The following ABCA3 variants were observed in gnomAD, a reference collection of about 807,000 sequenced individuals.
ABCA3 encodes ATP binding cassette subfamily A member 3, also known as phospholipid-transporting ATPase ABCA3.
A neutral mutation model predicts 172.8 loss-of-function variants in ABCA3; 88 were observed. The observed-to-expected ratio is 0.51, with a 90% CI of 0.43 to 0.61. ABCA3 has a LOEUF of 0.61. ABCA3 is among the 20% of genes least tolerant of loss of function. The pLI, the probability that ABCA3 is intolerant of heterozygous loss-of-function variation, is 0.00. For synonymous variants in ABCA3, 1,066 were observed against 983.8 expected (o/e 1.08, Z -1.56); for missense variants, 2,164 against 2,301.0 (o/e 0.94, Z 1.22).
In ABCA3 at chr16:2,277,874, C is replaced by CA. The variant is rs769370104; in HGVS notation, c.4909+4dup. The CA allele has an allele frequency of 1.2e-5, 19 of 1,608,454 alleles. 1 individual carries two copies. The highest frequency in any genetic ancestry group is 4.0e-5 in the African/African-American group (3 of 74,842). ...CCAGTGGGGGCTGCCGGGGCCGGCA[C>CA]ACACCTGGAAAGGTCAGGTCCACGA... On this transcript the variant is annotated splice_donor_region_variant and intron_variant, in intron 31 of 32. Transcript: ENST00000301732. This position sits in a 1 kb window ranked among gnomAD's most constrained non-coding sequence, Gnocchi z 5.3.
chr16:2,292,586 GAA>G (rs2093673718), intron 18 of ABCA3, among the ~76,000 whole-genome samples: 1 of 151,668 alleles, frequency 6.6e-6, no homozygotes, highest in African/African-American at 2.4e-5. Flanking sequence ...GTGGCAGAGT[GAA>G]ACTCTGTCTC....
intron 12 of ABCA3, among the ~76,000 whole-genome samples, chr16:2,303,744 C>T (rs781304125): frequency 6.6e-6 from 1 of 152,160 alleles, no homozygotes; most frequent in Non-Finnish European, 1.5e-5. Context: ...GTCTCAGGCT[C>T]TGAAGCGGAA....
intron 10 of ABCA3, among the ~76,000 whole-genome samples, chr16:2,316,961 C>G (rs1453178217): frequency 6.6e-6 from 1 of 152,202 alleles, no homozygotes; most frequent in Non-Finnish European, 1.5e-5. Flanking sequence ...AAAATCCAGA[C>G]AGGAAAAATG....
chr16:2,331,236 CAG>C (rs1294997794), intron 1 of ABCA3, among the ~76,000 whole-genome samples: 1 of 151,846 alleles, frequency 6.6e-6, no homozygotes, highest in African/African-American at 2.4e-5. Context: ...TTTTCTGAGA[CAG>C]AGTCTCGCTC....
At position 2,277,798 on chromosome 16, in the gene ABCA3, G is replaced by T; in HGVS notation, c.4909+81C>A. 6.3e-7 allele frequency: 1 copy of T among 1,594,546 alleles called. No individual in the cohort carries two copies. Among genetic ancestry groups the T allele is most frequent in the Non-Finnish European group, 8.5e-7 (1 of 1,170,384 alleles). On this transcript the variant is annotated intron_variant, in intron 31 of 32. Transcript: ENST00000301732. The surrounding 1 kb of genome is among the most constrained non-coding windows in gnomAD (Gnocchi z 5.3). ...ATGGGACTTGGCGGGGCGAGGCACA[G>T]ACGCTCCGCACAGCAGATGGGAGAG...
Position 2,317,327 on chromosome 16 carries a change from G to T in ABCA3, c.1067C>A (p.Ser356Tyr). Reference sequence around the variant, plus strand: ...GACCATGAAGCTGAAGGAGATGGTAGAGATGGCGAAGCACAGCAGGAAGGC... The same window carrying T: ...GACCATGAAGCTGAAGGAGATGGTATAGATGGCGAAGCACAGCAGGAAGGC... ...VLAFLLCFAI[S>Y]TISFSFMVST... is the part of the protein sequence containing the mutation. Residue 356 changes from serine to tyrosine, a missense_variant, in exon 10 of 33, where the codon TCT becomes TAT. Transcript: ENST00000301732. 6.2e-7 allele frequency: 1 copy of T among 1,614,098 alleles called. No homozygotes were observed. Among genetic ancestry groups the T allele is most frequent in the Non-Finnish European group, 8.5e-7 (1 of 1,180,038 alleles).
chr16:2,325,481 G>A (rs1329028800), intron 5 of ABCA3, among the ~76,000 whole-genome samples: 2 of 152,228 alleles, frequency 1.3e-5, no homozygotes, highest in Non-Finnish European at 2.9e-5. Context: ...CCGCCGAGAA[G>A]AGATTTGATG....
At chr16:2,294,216 C>T (rs1268143430) in intron 18 of ABCA3, among the ~76,000 whole-genome samples, 1 of 148,894 alleles carries the variant, frequency 6.7e-6, no homozygotes, top group East Asian at 2.0e-4. Flanking sequence ...TTAGTAGAGA[C>T]GAGGTTTCAC....
chr16:2,318,741 C>G (rs1024163599), intron 8 of ABCA3, among the ~76,000 whole-genome samples: 3 of 151,964 alleles, frequency 2.0e-5, no homozygotes, highest in Non-Finnish European at 4.4e-5. Context: ...TTGAACTCCT[C>G]ACCTCAAGTG....
chr16:2,304,101 G>A lies in ABCA3; in HGVS notation c.1335C>T (p.Asp445=), dbSNP rs147185732. ...CCAGCACCTGCCCGAAGCAGAAGTC[G>A]TCGTCCACGTTGACGGGACTCAGGA... ...RDLLSPVNVD[D]DFCFGQVLGM... Residue 445 remains aspartate (D), a synonymous_variant, in exon 12 of 33, where the codon GAC becomes GAT. Transcript: ENST00000301732. 29 of 1,614,168 alleles carry A rather than the reference G, an allele frequency of 1.8e-5. No individual in the cohort carries two copies. The East Asian group carries it at 2.7e-4, about 15-fold the overall frequency.
At chr16:2,336,443 T>A (rs1350192057) in intron 1 of ABCA3, among the ~76,000 whole-genome samples, 1 of 152,016 alleles carries the variant, frequency 6.6e-6, no homozygotes, top group Non-Finnish European at 1.5e-5. Context: ...TTTTTTTTTT[T>A]TTTTGAGACA....
intron 12 of ABCA3, 101 bp downstream of exon 12, chr16:2,303,868 G>C: frequency 7.4e-7 from 1 of 1,351,238 alleles, no homozygotes; most frequent in Non-Finnish European, 1.0e-6. Context: ...GCCCCACGCA[G>C]GTGCTGCATG....
At chr16:2,292,887 G>A (rs2093674223) in intron 18 of ABCA3, among the ~76,000 whole-genome samples, 1 of 152,094 alleles carries the variant, frequency 6.6e-6, no homozygotes, top group East Asian at 1.9e-4. Context: ...CCCGGGAGGC[G>A]GAGGTTGCGG....
chr16:2,291,841 A>G (rs1596838485), intron 19 of ABCA3, among the ~76,000 whole-genome samples: 1 of 152,114 alleles, frequency 6.6e-6, no homozygotes, highest in East Asian at 1.9e-4. Flanking sequence ...TGGGAGGCCA[A>G]GGTGGGCGGA....
At chr16:2,311,752 C>T (rs2093707085) in intron 10 of ABCA3, among the ~76,000 whole-genome samples, 1 of 152,094 alleles carries the variant, frequency 6.6e-6, no homozygotes, top group Non-Finnish European at 1.5e-5. Context: ...GAACTCCTGA[C>T]CTCGTGATCC....
intron 1 of ABCA3, among the ~76,000 whole-genome samples, chr16:2,338,221 C>T (rs1348109280): frequency 6.6e-6 from 1 of 152,230 alleles, no homozygotes; most frequent in Non-Finnish European, 1.5e-5. Context: ...ACCTCTCCAA[C>T]ACCACAAACA....
At chr16:2,337,474 AG>A (rs2093753671) in intron 1 of ABCA3, among the ~76,000 whole-genome samples, 1 of 151,474 alleles carries the variant, frequency 6.6e-6, no homozygotes, top group Admixed American at 6.6e-5. Flanking sequence ...TCCTGGCTCA[AG>A]TGATCCTCCC....
intron 1 of ABCA3, among the ~76,000 whole-genome samples, chr16:2,331,398 C>CA (rs2093742957): frequency 6.6e-6 from 1 of 152,148 alleles, no homozygotes; most frequent in Non-Finnish European, 1.5e-5. Flanking sequence ...GGAGTTTTGC[C>CA]ATGTTGGCTA....
Position 2,283,027 on chromosome 16 carries a change from C to A in ABCA3, c.4035+159G>T, listed in dbSNP as rs1460293071. Reference sequence around the variant, plus strand: ...TGGCGAGGGCTGTGCCCCGCCCTGGCTGTAAGTGCCGGCTGGTGCTGAGGC... The same window carrying A: ...TGGCGAGGGCTGTGCCCCGCCCTGGATGTAAGTGCCGGCTGGTGCTGAGGC... On this transcript the variant is annotated intron_variant, in intron 26 of 32. Coordinates refer to ENST00000301732, the MANE Select transcript of ABCA3 (RefSeq NM_001089.3). This position sits in a 1 kb window ranked among gnomAD's most constrained non-coding sequence, Gnocchi z 5.4. 1.3e-5 allele frequency among the ~76,000 whole-genome samples: 2 copies of A among 152,214 alleles called. No homozygotes were observed. Among genetic ancestry groups the A allele is most frequent in the Non-Finnish European group, 2.9e-5 (2 of 68,036 alleles).
Sources: allele counts gnomAD v4.1 joint callset (sites outside exome capture counted in the v4.1 genomes callset), GRCh38; gene constraint gnomAD v4.1.1; non-coding constraint Gnocchi (gnomAD v3.1); transcripts MANE v1.5; gene names NCBI Gene and HGNC (gene_info 2026-07-23, HGNC 2026-07-21).